MPZ: variants seen among roughly 807,000 people sequenced by gnomAD.
The protein encoded by MPZ is myelin protein zero, also known as myelin protein P0.
MPZ carries 13 observed loss-of-function variants against 27.9 expected under a neutral mutation model. The observed-to-expected ratio is 0.47, with a 90% CI of 0.30 to 0.74. MPZ has a LOEUF of 0.74. Among genes scored for constraint, MPZ ranks in the 30% least tolerant of loss-of-function variants. The probability of loss-of-function intolerance (pLI) is 0.06; values close to 1 mark genes in which losing one functional copy is unlikely to be tolerated. For synonymous variants in MPZ, 118 were observed against 128.9 expected (o/e 0.92, Z 0.57); for missense variants, 256 against 317.5 (o/e 0.81, Z 1.47).
chr1:161,307,088 C>T (rs1442029255), intron 2 of MPZ, among the ~76,000 whole-genome samples, 167 bp from the exon 3 acceptor site: 2 of 144,060 alleles, frequency 1.4e-5, no homozygotes, highest in Non-Finnish European at 3.0e-5. Flanking sequence ...AAGGGTAGTG[C>T]TGGAGAAGGG....
chr1:161,306,953 A>G (rs766424321), intron 2 of MPZ, 32 bp from the exon 3 acceptor site: 2 of 1,417,608 alleles, frequency 1.4e-6, no homozygotes, highest in African/African-American at 1.5e-5. Context: ...ATGTGAGAGG[A>G]CCCTAATGAG....
chr1:161,305,491 C>G lies in MPZ; in HGVS notation c.*385G>C, dbSNP rs1670210453. ...GTGAGGGGTAGGATTAGCTCCTGGGCTCCCAGAAAGCCAGGGGTGAAGGTG... is the reference window on the plus strand; with the variant it reads ...GTGAGGGGTAGGATTAGCTCCTGGGGTCCCAGAAAGCCAGGGGTGAAGGTG... On this transcript the variant is annotated 3_prime_UTR_variant, in exon 6 of 6. Coordinates refer to ENST00000533357, the MANE Select transcript of MPZ (RefSeq NM_000530.8). The G allele has an allele frequency of 4.3e-6, 1 of 234,698 alleles. No individual in the cohort carries two copies. Among genetic ancestry groups the G allele is most frequent in the Non-Finnish European group, 8.5e-6 (1 of 117,556 alleles). The allele number at this position is 234,698 out of a possible 1,614,324, so 14.5% of individuals were successfully genotyped here.
chr1:161,308,515 T>G (rs1670315097), intron 1 of MPZ, among the ~76,000 whole-genome samples: 1 of 152,070 alleles, frequency 6.6e-6, no homozygotes, highest in Non-Finnish European at 1.5e-5. Flanking sequence ...CCAAACAAAG[T>G]TCCATTGTCT....
At chr1:161,309,423 A>T (rs1330907097) in intron 1 of MPZ, among the ~76,000 whole-genome samples, 1 of 151,480 alleles carries the variant, frequency 6.6e-6, no homozygotes, top group Non-Finnish European at 1.5e-5. Flanking sequence ...ACTATTTCCA[A>T]CCTGGGTCCA....
At position 161,305,941 on chromosome 1, in the gene MPZ, T is replaced by C. The variant is rs1670226089; in HGVS notation, c.682A>G (p.Ser228Gly). 6.2e-7 allele frequency: 1 copy of C among 1,613,964 alleles called. No homozygotes were observed. Residue 228 changes from serine to glycine, a missense_variant, in exon 6 of 6, where the codon AGC (serine) becomes GGC (glycine). This residue lies in a region of MPZ where 101 missense variants were observed against 93.6 expected (regional missense o/e 1.08). Transcript: ENST00000533357. ...TTCTTCTCACTGACAGCTTTGGTGC[T>C]TCTGCTGTGGTCCAGCATTGCATAC... ...VLYAMLDHSR[S>G]TKAVSEKKAK...
downstream of MPZ, among the ~76,000 whole-genome samples, chr1:161,304,326 GATT>G (rs1321467844): frequency 1.3e-5 from 2 of 152,140 alleles, no homozygotes; most frequent in African/African-American, 4.8e-5. Flanking sequence ...GATCTCATTT[GATT>G]ATTATAAAAT....
downstream of MPZ, among the ~76,000 whole-genome samples, chr1:161,304,545 C>T (rs985580483): frequency 8.5e-5 from 13 of 152,190 alleles, no homozygotes; most frequent in African/African-American, 2.9e-4. Context: ...GTAGTATAAT[C>T]TCACTGATTA....
In MPZ at chr1:161,304,972, T is replaced by C. The variant is rs1186714547; in HGVS notation, c.*904A>G. On this transcript the variant is annotated 3_prime_UTR_variant, in exon 6 of 6. Transcript: ENST00000533357. ...CTGACCTATGAGGATCCATTCTCTC[T>C]CTCTGTCTCTCTCCTCAAGACCTGG... The C allele has an allele frequency of 2.0e-5, 3 of 151,754 alleles. No individual in the cohort carries two copies. Among genetic ancestry groups the C allele is most frequent in the Non-Finnish European group, 4.4e-5 (3 of 67,920 alleles). 9.4% of individuals were successfully genotyped at this position (151,754 alleles called of 1,614,324 possible).
At chr1:161,307,640 T>C (rs1450569453) in intron 1 of MPZ, among the ~76,000 whole-genome samples, 3 of 152,250 alleles carry the variant, frequency 2.0e-5, no homozygotes, top group Non-Finnish European at 4.4e-5. Flanking sequence ...GTAGAGAAGA[T>C]GAAATCAGCA....
chr1:161,305,899 C>T lies in MPZ; in HGVS notation c.724G>A (p.Glu242Lys), dbSNP rs772577914. 6.2e-7 allele frequency: 1 copy of T among 1,610,754 alleles called. No individual in the cohort carries two copies. Among genetic ancestry groups the T allele is most frequent in the Non-Finnish European group, 8.5e-7 (1 of 1,178,186 alleles). Residue 242 changes from glutamate (E) to lysine (K), a missense_variant, in exon 6 of 6, where the codon GAG becomes AAG. Coordinates refer to ENST00000533357, the MANE Select transcript of MPZ (RefSeq NM_000530.8). The part of the protein sequence containing the change: ...VSEKKAKGLG[E>K]SRKDKK ...CGCTATTTCTTATCCTTGCGAGACT[C>T]CCCCAGCCCCTTGGCCTTCTTCTCA...
At chr1:161,306,951 G>A (rs763105954) in intron 2 of MPZ, 30 bp from the exon 3 acceptor site, 1 of 1,464,462 alleles carries the variant, frequency 6.8e-7, no homozygotes, top group Non-Finnish European at 9.4e-7. Context: ...GCATGTGAGA[G>A]GACCCTAATG....
chr1:161,304,116 T>C (rs1335553396), downstream of MPZ, among the ~76,000 whole-genome samples: 2 of 152,132 alleles, frequency 1.3e-5, no homozygotes, highest in Non-Finnish European at 2.9e-5. Context: ...TAATGAGGTA[T>C]TAATAGTATA....
chr1:161,308,311 C>T (rs956102979), intron 1 of MPZ, among the ~76,000 whole-genome samples: 7 of 152,204 alleles, frequency 4.6e-5, no homozygotes, highest in African/African-American at 1.7e-4. Context: ...CCCAAGCCTA[C>T]AGCTCAGATG....
At position 161,305,779 on chromosome 1, in the gene MPZ, G is replaced by T; in HGVS notation, c.*97C>A. 2.2e-6 allele frequency: 2 copies of T among 909,780 alleles called. No homozygotes were observed. Among genetic ancestry groups the T allele is most frequent in the Non-Finnish European group, 3.4e-6 (2 of 585,174 alleles). 56.4% of individuals were successfully genotyped at this position (909,780 alleles called of 1,614,324 possible). A position where few individuals can be genotyped will look rare whatever the true frequency, so the allele number is the denominator to read the frequency against. On this transcript the variant is annotated 3_prime_UTR_variant, in exon 6 of 6. Transcript: ENST00000533357. ...ACAGCAGGCCGGAGCTCCGGGCTCT[G>T]CTCATCCTTTCGTAGCTCCATCTCG...
Position 161,307,029 on chromosome 1 carries a change from A to C in MPZ, c.235-108T>G. 3.9e-6 allele frequency: 4 copies of C among 1,020,776 alleles called. No individual in the cohort carries two copies. The South Asian group carries it at 6.0e-5, about 15-fold the overall frequency. 63.2% of individuals were successfully genotyped at this position (1,020,776 alleles called of 1,614,324 possible). On this transcript the variant is annotated intron_variant, in intron 2 of 5. Coordinates refer to ENST00000533357, the MANE Select transcript of MPZ (RefSeq NM_000530.8). ...AAGAAAAAAGCAAAAAAAAAAAAAA[A>C]AAAAAAAAAGCTTCGCTCCAGCCTC...
intron 2 of MPZ, 114 bp from the exon 3 acceptor site, chr1:161,307,035 A>T: frequency 1.0e-6 from 1 of 1,000,512 alleles, no homozygotes; most frequent in Non-Finnish European, 1.5e-6. Context: ...AAAAAAAAAA[A>T]AAAGCTTCGC....
chr1:161,307,957 G>A (rs4072409), intron 1 of MPZ, among the ~76,000 whole-genome samples: 1,687 of 152,086 alleles, frequency 0.011, 33 homozygotes, highest in African/African-American at 0.039. Flanking sequence ...ATAAACTCAA[G>A]ATATACACAT....
rs777790314 is a variant in MPZ at position 161,307,414 on chromosome 1, C to G, written c.78G>C (p.Pro26=). The G allele has an allele frequency of 1.9e-6, 3 of 1,614,038 alleles. No individual in the cohort carries two copies. Among genetic ancestry groups the G allele is most frequent in the East Asian group, 4.5e-5 (2 of 44,904 alleles). The change falls in exon 2 of 6, where the codon CCG becomes CCC. Residue 26 remains proline, a synonymous_variant. Transcript: ENST00000533357. ...CGGTGTAAACCACGATGGCCTGGGCCGGGGACAGCACTGCAAGCACAAAGT... is the reference window on the plus strand; with the variant it reads ...CGGTGTAAACCACGATGGCCTGGGCGGGGGACAGCACTGCAAGCACAAAGT... ...VLLFSSLVLS[P]AQAIVVYTDR... is the part of the protein sequence containing the mutation.
Position 161,305,851 on chromosome 1 carries a change from G to A in MPZ, c.*25C>T, listed in dbSNP as rs776448650. The A allele has an allele frequency of 5.8e-6, 4 of 692,020 alleles. No homozygotes were observed. The highest frequency in any genetic ancestry group is 1.4e-5 in the South Asian group (1 of 72,540). The allele number at this position is 692,020 out of a possible 1,614,324, so 42.9% of individuals were successfully genotyped here. ...TTGGCGGACTCCACCCCTAACCCCC[G>A]ATCCCCCGCCCGGCCCGCTAACCGC... On this transcript the variant is annotated 3_prime_UTR_variant, in exon 6 of 6. Coordinates refer to ENST00000533357, the MANE Select transcript of MPZ (RefSeq NM_000530.8).
Sources: gnomAD v4.1 joint callset for allele counts (sites outside exome capture counted in the v4.1 genomes callset) on GRCh38, gnomAD v4.1.1 for gene constraint, gnomAD v4.1.1 regional missense constraint, MANE v1.5 for transcripts, NCBI Gene and HGNC (gene_info 2026-07-23, HGNC 2026-07-21) for gene names.